The following LRMDA variants were observed in gnomAD, a reference collection of about 807,000 sequenced individuals.
The protein encoded by LRMDA is leucine-rich melanocyte differentiation-associated protein.
LRMDA carries 18 observed loss-of-function variants against 29.8 expected under a neutral mutation model. That is an observed-to-expected ratio of 0.60 (90% CI 0.42 to 0.90). The LOEUF (loss-of-function observed/expected upper bound fraction) is 0.90. Ranked by LOEUF, LRMDA falls within the 40% of genes least tolerant of loss-of-function variation. LRMDA has a pLI of 0.00. For missense variants in LRMDA, 273 were observed against 273.9 expected (o/e 1.00, Z 0.02); for synonymous variants, 125 against 109.4 (o/e 1.14, Z -0.89).
intron 2 of LRMDA, among the ~76,000 whole-genome samples, chr10:75,796,985 A>G (rs1843664155): frequency 6.6e-6 from 1 of 152,340 alleles, no homozygotes; most frequent in South Asian, 2.1e-4. Flanking sequence ...ACTGGCCTCA[A>G]GATGAATTGG....
intron 6 of LRMDA, among the ~76,000 whole-genome samples, chr10:76,493,236 C>T (rs1034309173): frequency 3.3e-5 from 5 of 152,048 alleles, no homozygotes; most frequent in Non-Finnish European, 7.4e-5. Context: ...TTCCACTCTT[C>T]CCTTCCCTTT....
At chr10:76,017,938 A>C (rs962415054) in intron 2 of LRMDA, among the ~76,000 whole-genome samples, 3 of 152,224 alleles carry the variant, frequency 2.0e-5, no homozygotes, top group African/African-American at 7.2e-5. Context: ...AAAGTCATGC[A>C]GTCTGTCAAT....
intron 2 of LRMDA, among the ~76,000 whole-genome samples, chr10:75,979,709 C>T (rs1483291947): frequency 1.3e-5 from 2 of 152,118 alleles, no homozygotes; most frequent in African/African-American, 4.8e-5. Context: ...TCAGGACCCT[C>T]TGATTTCCCC....
At chr10:75,890,721 G>A (rs1325994327) in intron 2 of LRMDA, among the ~76,000 whole-genome samples, 1 of 152,176 alleles carries the variant, frequency 6.6e-6, no homozygotes, top group Non-Finnish European at 1.5e-5. Context: ...AGCTGGCCAT[G>A]GTATAGAGCT....
chr10:76,128,405 G>T (rs1171775939), intron 5 of LRMDA, among the ~76,000 whole-genome samples: 1 of 152,188 alleles, frequency 6.6e-6, no homozygotes, highest in Non-Finnish European at 1.5e-5. Flanking sequence ...TGCTTTTCAG[G>T]TCAAGAGTGG....
chr10:75,955,154 A>T (rs1047362604), intron 2 of LRMDA, among the ~76,000 whole-genome samples: 2 of 152,196 alleles, frequency 1.3e-5, no homozygotes, highest in Non-Finnish European at 2.9e-5. Context: ...ATCTTGTAAG[A>T]TAGGGATATT....
intron 6 of LRMDA, among the ~76,000 whole-genome samples, chr10:76,367,638 G>T (rs1157367374): frequency 6.6e-6 from 1 of 151,912 alleles, no homozygotes; most frequent in African/African-American, 2.4e-5. Flanking sequence ...TCATCAGGCT[G>T]GTCTTGAACT....
At chr10:75,604,404 AT>A (rs1222340982) in intron 2 of LRMDA, among the ~76,000 whole-genome samples, 1 of 152,150 alleles carries the variant, frequency 6.6e-6, no homozygotes, top group Non-Finnish European at 1.5e-5. Context: ...CAAAAATTCA[AT>A]TTATTTGTCA....
chr10:75,776,306 C>T (rs931833422), intron 2 of LRMDA, among the ~76,000 whole-genome samples: 10 of 152,142 alleles, frequency 6.6e-5, no homozygotes, highest in African/African-American at 2.4e-4. Flanking sequence ...TCCAGTAGTT[C>T]GCAAGGTTCT....
intron 2 of LRMDA, among the ~76,000 whole-genome samples, chr10:75,657,917 C>T (rs72809463): frequency 0.062 from 9,408 of 152,114 alleles, 412 homozygotes; most frequent in South Asian, 0.12. Flanking sequence ...TGTGTATGCT[C>T]TGCCATGGTT....
rs117896635 is a variant in LRMDA, at chr10:75,911,029, A to G, written c.132-124979A>G. Among the ~76,000 whole-genome samples the G allele has an allele frequency of 1.9e-4, 29 of 151,748 alleles. No homozygotes were observed. The East Asian group carries it at 5.1e-3, about 26-fold the overall frequency. ...AAACAGCATTTTTTTTTTGGAGAGG[A>G]TGTGCATTATTCTTTACTGTGTGCT... On this transcript the variant is annotated intron_variant, in intron 2 of 6. Coordinates refer to ENST00000611255, the MANE Select transcript of LRMDA (RefSeq NM_001305581.2).
In LRMDA at chr10:76,407,507, T is replaced by C. The variant is rs143544591; in HGVS notation, c.601+83022T>C. Among the ~76,000 whole-genome samples, 10 of 152,330 alleles carry C rather than the reference T, an allele frequency of 6.6e-5. 2 individuals are homozygous for C. The highest frequency in any genetic ancestry group is 2.4e-4 in the African/African-American group (10 of 41,568). ...TGCAAGAATAACTTCTAAGTTCTTCTCAACCTTGAGATTTGATGAATTAGA... is the reference window on the plus strand; with the variant it reads ...TGCAAGAATAACTTCTAAGTTCTTCCCAACCTTGAGATTTGATGAATTAGA... On this transcript the variant is annotated intron_variant, in intron 6 of 6. Transcript: ENST00000611255.
chr10:75,767,101 C>T (rs543060801), intron 2 of LRMDA, among the ~76,000 whole-genome samples: 1 of 152,274 alleles, frequency 6.6e-6, no homozygotes, highest in African/African-American at 2.4e-5. Context: ...CTGCAATAAA[C>T]ATATGTGTGC....
intron 2 of LRMDA, among the ~76,000 whole-genome samples, chr10:75,580,391 C>T (rs1418165695): frequency 6.6e-6 from 1 of 152,152 alleles, no homozygotes; most frequent in Non-Finnish European, 1.5e-5. Context: ...TCGAGAACTA[C>T]AAACCACTGC....
At chr10:75,483,794 C>A (rs1355319338) in intron 2 of LRMDA, among the ~76,000 whole-genome samples, 2 of 148,748 alleles carry the variant, frequency 1.3e-5, no homozygotes, top group Non-Finnish European at 3.0e-5. Flanking sequence ...TGAAAAAAAT[C>A]ATTTTGCTTC....
At chr10:76,320,192 C>T (rs1840753753) in intron 5 of LRMDA, among the ~76,000 whole-genome samples, 2 of 152,188 alleles carry the variant, frequency 1.3e-5, no homozygotes, top group Admixed American at 1.3e-4. Flanking sequence ...TTCTACCTTC[C>T]TTCTTTCCAT....
intron 2 of LRMDA, among the ~76,000 whole-genome samples, chr10:75,482,181 G>A (rs1589156063): frequency 6.6e-6 from 1 of 152,196 alleles, no homozygotes; most frequent in East Asian, 1.9e-4. Flanking sequence ...GGCCAGGGAA[G>A]CATAGGTGGA....
At chr10:76,394,598 C>G (rs984280358) in intron 6 of LRMDA, among the ~76,000 whole-genome samples, 1 of 152,102 alleles carries the variant, frequency 6.6e-6, no homozygotes, top group African/African-American at 2.4e-5. Flanking sequence ...AGTCAGCTCA[C>G]TCAGCTTTCT....
At chr10:76,521,842 A>G (rs1450198296) in intron 6 of LRMDA, among the ~76,000 whole-genome samples, 1 of 152,208 alleles carries the variant, frequency 6.6e-6, no homozygotes, top group African/African-American at 2.4e-5. Flanking sequence ...TTGTTTCCCC[A>G]AAGAGACTGT....
Sources: allele counts gnomAD v4.1 joint callset (sites outside exome capture counted in the v4.1 genomes callset), GRCh38; gene constraint gnomAD v4.1.1; transcripts MANE v1.5; gene names NCBI Gene and HGNC (gene_info 2026-07-23, HGNC 2026-07-21).